The following ADD2 variants were observed in gnomAD, a reference collection of about 807,000 sequenced individuals.
ADD2 encodes adducin 2.
A neutral mutation model predicts 83.0 loss-of-function variants in ADD2; 23 were observed. The observed-to-expected ratio is 0.28, with a 90% CI of 0.20 to 0.39. The LOEUF is 0.39. ADD2 is among the 10% of genes least tolerant of loss of function. ADD2 has a pLI of 1.00. For missense variants in ADD2, 758 were observed against 944.9 expected (o/e 0.80, Z 2.59); for synonymous variants, 375 against 375.4 (o/e 1.00, Z 0.01).
At chr2:70,704,055 T>G (rs1671751307) in intron 4 of ADD2, among the ~76,000 whole-genome samples, 1 of 152,208 alleles carries the variant, frequency 6.6e-6, no homozygotes, top group South Asian at 2.1e-4. Flanking sequence ...CAGGCTTCAG[T>G]GGTCTCTTCC....
chr2:70,726,355 T>C (rs578161618), intron 1 of ADD2, among the ~76,000 whole-genome samples: 1 of 151,642 alleles, frequency 6.6e-6, no homozygotes, highest in South Asian at 2.1e-4. Context: ...GGATAAAGAG[T>C]GGAAGGAAGC....
intron 1 of ADD2, among the ~76,000 whole-genome samples, chr2:70,738,596 C>T (rs1332640486): frequency 3.9e-5 from 6 of 152,218 alleles, no homozygotes; most frequent in African/African-American, 1.4e-4. Context: ...AGCCATTTCA[C>T]ACCTGTATTG....
chr2:70,703,946 T>C (rs1403770294), intron 4 of ADD2, among the ~76,000 whole-genome samples: 1 of 151,914 alleles, frequency 6.6e-6, no homozygotes, highest in Non-Finnish European at 1.5e-5. Context: ...GGGCAGAGCA[T>C]AACAGCCCAG....
intron 1 of ADD2, among the ~76,000 whole-genome samples, chr2:70,759,094 T>C (rs922092330): frequency 8.5e-5 from 13 of 152,094 alleles, no homozygotes; most frequent in South Asian, 2.1e-4. Flanking sequence ...CCACAGGGAT[T>C]TACTACTTGG....
chr2:70,726,893 T>C (rs1468157385), intron 1 of ADD2, among the ~76,000 whole-genome samples: 1 of 152,216 alleles, frequency 6.6e-6, no homozygotes, highest in Non-Finnish European at 1.5e-5. Flanking sequence ...CAGAGAGCCC[T>C]TAGCCTACAT....
chr2:70,697,333 G>A (rs1407350879), intron 4 of ADD2, among the ~76,000 whole-genome samples: 1 of 152,178 alleles, frequency 6.6e-6, no homozygotes, highest in African/African-American at 2.4e-5. Context: ...TTCTTTCTGG[G>A]AATTTGAGGG....
chr2:70,697,467 T>A (rs1553372928), intron 4 of ADD2, among the ~76,000 whole-genome samples: 1 of 152,156 alleles, frequency 6.6e-6, no homozygotes, highest in Non-Finnish European at 1.5e-5. Flanking sequence ...CCTACATGCC[T>A]CAGGAAGGGA....
rs1553370031 is a variant in ADD2 at position 70,683,735 on chromosome 2, C to T, written c.981G>A (p.Glu327=). 1.9e-6 allele frequency: 3 copies of T among 1,614,040 alleles called. No homozygotes were observed. The highest frequency in any genetic ancestry group is 2.5e-6 in the Non-Finnish European group (3 of 1,179,922). The change falls in exon 10 of 16, where the codon GAG becomes GAA. Residue 327 remains glutamate (E), a synonymous_variant. Coordinates refer to ENST00000264436, the MANE Select transcript of ADD2 (RefSeq NM_001617.4). ...TCTCCTGCTCCAGGAGGATGAGGTT[C>T]TCCACTCCCCCGGCACTGGACAGAG... is the stretch of plus-strand genomic sequence containing the variant. The part of the protein sequence containing the change: ...VSALSSAGGV[E]NLILLEQEKH...
intron 13 of ADD2, 57 bp from the exon 14 acceptor site, chr2:70,674,882 G>T (rs946557895): frequency 1.3e-6 from 2 of 1,565,702 alleles, no homozygotes; most frequent in Non-Finnish European, 1.7e-6. Flanking sequence ...TGGGGTGCAG[G>T]CCCCAGCTTC....
intron 1 of ADD2, among the ~76,000 whole-genome samples, chr2:70,762,573 T>C (rs782698007): frequency 1.3e-5 from 2 of 150,732 alleles, no homozygotes; most frequent in Non-Finnish European, 2.9e-5. Context: ...ATATAAAATA[T>C]ACACAAATAC....
chr2:70,753,257 A>G (rs574049351), intron 1 of ADD2, among the ~76,000 whole-genome samples: 24 of 152,322 alleles, frequency 1.6e-4, no homozygotes, highest in African/African-American at 5.1e-4. Flanking sequence ...ATAAGAACAG[A>G]GAAGAGGCCA....
intron 1 of ADD2, among the ~76,000 whole-genome samples, chr2:70,754,328 T>C (rs1674664536): frequency 6.6e-6 from 1 of 152,164 alleles, no homozygotes; most frequent in South Asian, 2.1e-4. Context: ...AGCCCACTTC[T>C]GTGATCCACA....
Position 70,676,102 on chromosome 2 carries a change from G to A in ADD2, c.1593+694C>T. Reference sequence around the variant, plus strand: ...TGCCCTGCAGAGAGGAACATTTCCTGTATTTCCCCAATTTTTACTGCTAAG... The same window carrying A: ...TGCCCTGCAGAGAGGAACATTTCCTATATTTCCCCAATTTTTACTGCTAAG... On this transcript the variant is annotated intron_variant, in intron 13 of 15. Transcript: ENST00000264436. The surrounding 1 kb of genome is among the most constrained non-coding windows in gnomAD (Gnocchi z 4.8). 1 of 985,378 alleles carries A rather than the reference G, an allele frequency of 1.0e-6. No homozygotes were observed. Among genetic ancestry groups the A allele is most frequent in the Non-Finnish European group, 1.2e-6 (1 of 829,936 alleles). 61.0% of individuals were successfully genotyped at this position (985,378 alleles called of 1,614,324 possible).
chr2:70,735,858 CTT>C (rs374727628), intron 1 of ADD2, among the ~76,000 whole-genome samples: 4 of 72,510 alleles, frequency 5.5e-5, no homozygotes, highest in Non-Finnish European at 6.7e-5. Flanking sequence ...CCATGCCCGG[CTT>C]TTTTTTTTTT....
chr2:70,684,115 T>C (rs953715637), intron 9 of ADD2, among the ~76,000 whole-genome samples: 33 of 152,236 alleles, frequency 2.2e-4, no homozygotes, highest in African/African-American at 8.0e-4. Context: ...CAAAGCGGAC[T>C]TCAGTTCTTG....
chr2:70,731,796 C>A (rs1553379340), intron 1 of ADD2, among the ~76,000 whole-genome samples: 1 of 152,236 alleles, frequency 6.6e-6, no homozygotes, highest in African/African-American at 2.4e-5. Context: ...CCCAGGGACA[C>A]TGCCTTCATT....
intron 2 of ADD2, among the ~76,000 whole-genome samples, chr2:70,712,606 C>T (rs1553375670): frequency 2.0e-5 from 3 of 152,326 alleles, no homozygotes; most frequent in East Asian, 1.9e-4. Flanking sequence ...TGTCCCAGAA[C>T]ATCTGCTGGG....
intron 4 of ADD2, 64 bp from the exon 5 acceptor site, chr2:70,696,460 T>G: frequency 1.3e-6 from 2 of 1,596,584 alleles, no homozygotes; most frequent in Non-Finnish European, 1.7e-6. Context: ...CTTGCTCCAG[T>G]GTTCTCCAAA....
At chr2:70,690,687 C>A in intron 8 of ADD2, 99 bp downstream of exon 8, 2 of 1,380,048 alleles carry the variant, frequency 1.4e-6, no homozygotes, top group Non-Finnish European at 1.9e-6. Context: ...TTTCCCCCCT[C>A]TCTCCCTCCC....
Sources: gnomAD v4.1 joint callset for allele counts (sites outside exome capture counted in the v4.1 genomes callset) on GRCh38, gnomAD v4.1.1 for gene constraint, Gnocchi (gnomAD v3.1) non-coding constraint, MANE v1.5 for transcripts, NCBI Gene and HGNC (gene_info 2026-07-23, HGNC 2026-07-21) for gene names.